The following ANKRD36C variants were observed in gnomAD, a reference collection of about 807,000 sequenced individuals.
ANKRD36C encodes ankyrin repeat domain-containing protein 36C.
ANKRD36C carries 61 observed loss-of-function variants against 276.4 expected under a neutral mutation model. The ratio of observed to expected loss-of-function variants is 0.22; its 90% CI spans 0.18 to 0.27. The LOEUF is 0.27. ANKRD36C is among the 10% of genes least tolerant of loss of function. The probability of loss-of-function intolerance (pLI) is 1.00; values close to 1 mark genes in which losing one functional copy is unlikely to be tolerated. For synonymous variants in ANKRD36C, 483 were observed against 680.1 expected (o/e 0.71, Z 4.51); for missense variants, 1,447 against 2,032.3 (o/e 0.71, Z 5.54).
At chr2:95,915,536 G>A (rs927741540) in intron 38 of ANKRD36C, among the ~76,000 whole-genome samples, 26 of 151,374 alleles carry the variant, frequency 1.7e-4, no homozygotes, top group African/African-American at 4.6e-4. Context: ...ATCTTCATTC[G>A]GAAAATAATT....
intron 42 of ANKRD36C, 62 bp from the exon 45 acceptor site, chr2:95,910,630 T>C (rs1275742552): frequency 2.5e-6 from 4 of 1,599,126 alleles, no homozygotes; most frequent in African/African-American, 1.3e-5. Flanking sequence ...ATCCATACAT[T>C]CATGCAGCGT....
chr2:95,987,613 T>C (rs1679056506), intron 1 of ANKRD36C, among the ~76,000 whole-genome samples: 1 of 135,426 alleles, frequency 7.4e-6, no homozygotes, highest in Non-Finnish European at 1.6e-5. Context: ...GACTTTTTTT[T>C]TTTTTTTTTT....
chr2:95,975,814 A>G (rs1028441191), intron 6 of ANKRD36C, among the ~76,000 whole-genome samples: 3 of 152,224 alleles, frequency 2.0e-5, no homozygotes, highest in Non-Finnish European at 4.4e-5. Flanking sequence ...GCCCATCAAA[A>G]GAAACTACCA....
rs754786552 is a variant in ANKRD36C, at chr2:95,962,479, T to A, written c.828+40A>T. Reference sequence around the variant, plus strand: ...TACGTAAAGTATTTTTCACAGACTATATAGTTAATAGTTCAAAACAGAAAT... The same window carrying A: ...TACGTAAAGTATTTTTCACAGACTAAATAGTTAATAGTTCAAAACAGAAAT... On this transcript the variant is annotated intron_variant, in intron 7 of 66. Transcript: ENST00000456556. 3.1e-6 allele frequency: 5 copies of A among 1,595,260 alleles called. No individual in the cohort carries two copies. The African/African-American group carries it at 6.7e-5, about 21-fold the overall frequency.
intron 28 of ANKRD36C, among the ~76,000 whole-genome samples, chr2:95,925,778 A>T (rs1366125099): frequency 6.6e-6 from 1 of 151,604 alleles, no homozygotes; most frequent in African/African-American, 2.4e-5. Flanking sequence ...ATTATGTGTC[A>T]TGTGTGTATT....
At chr2:95,910,761 T>C (rs1454542870) in intron 42 of ANKRD36C, among the ~76,000 whole-genome samples, 193 bp from the exon 45 acceptor site, 1 of 151,384 alleles carries the variant, frequency 6.6e-6, no homozygotes, top group Non-Finnish European at 1.5e-5. Flanking sequence ...CTCCATGAAA[T>C]ATACCCTTAC....
At chr2:95,922,334 C>T (rs532142006) in intron 32 of ANKRD36C, among the ~76,000 whole-genome samples, 3 of 151,720 alleles carry the variant, frequency 2.0e-5, no homozygotes, top group African/African-American at 7.2e-5. Context: ...TCCTAAATTG[C>T]TCAGCTTGGA....
chr2:95,940,253 A>T, intron 20 of ANKRD36C, among the ~76,000 whole-genome samples: 1 of 152,302 alleles, frequency 6.6e-6, no homozygotes, highest in South Asian at 2.1e-4. Context: ...CCATCTCCTG[A>T]CCTCGTGATC....
chr2:95,924,204 T>C lies in ANKRD36C; in HGVS notation c.2042-515A>G, dbSNP rs543565083. 2.6e-4 allele frequency among the ~76,000 whole-genome samples: 39 copies of C among 151,810 alleles called. 1 individual carries two copies. The highest frequency in any genetic ancestry group is 5.3e-4 in the Non-Finnish European group (36 of 67,734). ...GTCTCTTAAGTGGAAGGGACCTAAATTGATCAGCTTGGATATATGGTTGGT... is the reference window on the plus strand; with the variant it reads ...GTCTCTTAAGTGGAAGGGACCTAAACTGATCAGCTTGGATATATGGTTGGT... On this transcript the variant is annotated intron_variant, in intron 30 of 66. Coordinates refer to ENST00000456556, the Ensembl canonical transcript of ANKRD36C.
intron 19 of ANKRD36C, among the ~76,000 whole-genome samples, chr2:95,944,150 A>T (rs183429801): frequency 6.6e-6 from 1 of 152,314 alleles, no homozygotes; most frequent in Non-Finnish European, 1.5e-5. Context: ...ATTCTATAAT[A>T]TGATATGGAG....
chr2:95,949,209 A>G (rs1678133164), intron 16 of ANKRD36C, among the ~76,000 whole-genome samples: 1 of 152,220 alleles, frequency 6.6e-6, no homozygotes, highest in African/African-American at 2.4e-5. Context: ...GTCAAAGTAC[A>G]AATGTACTTT....
intron 60 of ANKRD36C, among the ~76,000 whole-genome samples, chr2:95,861,383 G>GA (rs1357632033): frequency 6.6e-6 from 1 of 150,486 alleles, no homozygotes; most frequent in African/African-American, 2.4e-5. Flanking sequence ...AGAAGAGACA[G>GA]AAAAAAAATT....
intron 60 of ANKRD36C, 105 bp from the exon 81 acceptor site, chr2:95,860,179 A>G: frequency 1.1e-6 from 1 of 893,116 alleles, no homozygotes; most frequent in Non-Finnish European, 1.7e-6. Flanking sequence ...TTGAACAAGT[A>G]TGTACATATT....
intron 55 of ANKRD36C, 30 bp from the exon 76 acceptor site, chr2:95,882,404 T>A (rs1258060802): frequency 2.6e-6 from 4 of 1,547,168 alleles, no homozygotes; most frequent in Non-Finnish European, 1.7e-6. Context: ...AAATAGTCAA[T>A]ACATAATATA....
chr2:95,990,973 T>C (rs1679126769), intron 1 of ANKRD36C, among the ~76,000 whole-genome samples: 1 of 152,136 alleles, frequency 6.6e-6, no homozygotes, highest in Admixed American at 6.5e-5. Context: ...TGGTGAGTGA[T>C]TGGAAACCAG....
chr2:95,860,721 C>A (rs546138570), intron 60 of ANKRD36C, among the ~76,000 whole-genome samples: 67 of 152,162 alleles, frequency 4.4e-4, no homozygotes, highest in African/African-American at 1.5e-3. Context: ...GACGGAGGTT[C>A]GAGGCCATGA....
chr2:95,859,185 A>C (rs952233716), intron 61 of ANKRD36C, among the ~76,000 whole-genome samples: 10 of 151,908 alleles, frequency 6.6e-5, no homozygotes, highest in African/African-American at 2.2e-4. Flanking sequence ...AGGTGCAACC[A>C]CCACACCTGG....
chr2:95,916,228 T>C (rs1677092196), intron 36 of ANKRD36C, 57 bp from the exon 39 acceptor site: 2 of 1,597,026 alleles, frequency 1.3e-6, no homozygotes, highest in Middle Eastern at 2.3e-4. Flanking sequence ...AAGTTATCCA[T>C]ACATTCACAC....
At chr2:95,853,858 C>T in exon 64 of ANKRD36C, 1 of 1,607,242 alleles carries the variant, frequency 6.2e-7, no homozygotes, top group Non-Finnish European at 8.5e-7. Context: ...TGTCTCACAG[C>T]TACCTGATAA....
Sources: allele counts gnomAD v4.1 joint callset (sites outside exome capture counted in the v4.1 genomes callset), GRCh38; gene constraint gnomAD v4.1.1; transcripts MANE v1.5; gene names NCBI Gene and HGNC (gene_info 2026-07-23, HGNC 2026-07-21).